STX16: variants seen among roughly 807,000 people sequenced by gnomAD.
STX16 encodes the protein syntaxin 16.
STX16 carries 28 observed loss-of-function variants against 42.7 expected under a neutral mutation model. That is an observed-to-expected ratio of 0.66 (90% CI 0.49 to 0.90). STX16 has a LOEUF of 0.90. Among genes scored for constraint, STX16 ranks in the 40% least tolerant of loss-of-function variants. The pLI, the probability that STX16 is intolerant of heterozygous loss-of-function variation, is 0.00. For missense variants in STX16, 361 were observed against 420.9 expected (o/e 0.86, Z 1.24); for synonymous variants, 156 against 155.2 (o/e 1.00, Z -0.04).
intron 1 of STX16, among the ~76,000 whole-genome samples, chr20:58,658,927 T>C (rs1383186381): frequency 1.3e-5 from 2 of 152,238 alleles, no homozygotes; most frequent in Non-Finnish European, 2.9e-5. Flanking sequence ...GTATGCTTTC[T>C]AGCTAATAAT....
chr20:58,661,597 G>A (rs1230398256), intron 2 of STX16, among the ~76,000 whole-genome samples: 2 of 152,206 alleles, frequency 1.3e-5, no homozygotes, highest in Non-Finnish European at 2.9e-5. Context: ...ATGAAGTGTG[G>A]CTTCCACAAT....
At chr20:58,666,490 A>G (rs1371497679) in intron 2 of STX16, among the ~76,000 whole-genome samples, 4 of 142,572 alleles carry the variant, frequency 2.8e-5, no homozygotes, top group African/African-American at 1.1e-4. Flanking sequence ...GTGCAATGGT[A>G]CGATCATGGC....
rs6128397 is a variant in STX16 at position 58,678,076 on chromosome 20, A to G, written c.*1785A>G. ...GTCACTGCAGGTGTTCTTTCATCCC[A>G]TCTGATTTTAACCCATGGTTGAGAC... On this transcript the variant is annotated 3_prime_UTR_variant, in exon 9 of 9. Coordinates refer to ENST00000371141, the MANE Select transcript of STX16 (RefSeq NM_001001433.3). The G allele has an allele frequency of 0.61, 92,397 of 152,078 alleles. 29,170 individuals are homozygous for G. Among genetic ancestry groups the G allele is most frequent in the Non-Finnish European group, 0.71 (48,376 of 68,016 alleles). 9.4% of individuals were successfully genotyped at this position (152,078 alleles called of 1,614,324 possible). A position where few individuals can be genotyped will look rare whatever the true frequency, so the allele number is the denominator to read the frequency against.
rs546483300 is a variant in STX16 at position 58,670,905 on chromosome 20, T to C, written c.649-249T>C. 2.4e-4 allele frequency among the ~76,000 whole-genome samples: 36 copies of C among 152,314 alleles called. No individual in the cohort carries two copies. In the South Asian group the frequency reaches 7.2e-3, roughly 31 times the overall value. On this transcript the variant is annotated intron_variant, in intron 6 of 8. Transcript: ENST00000371141. ...CGGGGGTTTTGTTTATCTGCCCTTG[T>C]GGAGTTGGCAGACGTGGGCTTCTGT... is the stretch of plus-strand genomic sequence containing the variant.
rs41296205 is a variant in STX16 at position 58,651,657 on chromosome 20, C to A, written c.-350C>A. On this transcript the variant is annotated 5_prime_UTR_variant, in exon 1 of 9. Coordinates refer to ENST00000371141, the MANE Select transcript of STX16 (RefSeq NM_001001433.3). ...GTAGGGGGCTTCAGGGCCTCCCAGT[C>A]TAGAGCCGGATTGGCGAGTTAGACG... is the stretch of plus-strand genomic sequence containing the variant. The A allele has an allele frequency of 0.057, 14,283 of 251,442 alleles. 531 individuals carry two copies. The highest frequency in any genetic ancestry group is 0.072 in the Non-Finnish European group (9,091 of 125,730). 15.6% of individuals were successfully genotyped at this position (251,442 alleles called of 1,614,324 possible).
At chr20:58,670,670 A>T in intron 6 of STX16, 67 bp downstream of exon 6, 2 of 1,312,414 alleles carry the variant, frequency 1.5e-6, no homozygotes, top group Non-Finnish European at 2.2e-6. Flanking sequence ...TTCACCTCCT[A>T]GACCTCGATC....
At chr20:58,669,715 C>G (rs1158238742) in intron 5 of STX16, among the ~76,000 whole-genome samples, 1 of 152,140 alleles carries the variant, frequency 6.6e-6, no homozygotes, top group Non-Finnish European at 1.5e-5. Context: ...TGTTTTGTGT[C>G]AAGCTGCAAG....
chr20:58,659,746 C>A, intron 2 of STX16, 112 bp downstream of exon 2: 1 of 1,137,048 alleles, frequency 8.8e-7, no homozygotes, highest in Non-Finnish European at 1.3e-6. Flanking sequence ...ACATATTTAG[C>A]ATTTGTTTTG....
chr20:58,652,377 C>T (rs527822187), intron 1 of STX16: 6 of 586,116 alleles, frequency 1.0e-5, no homozygotes, highest in South Asian at 3.3e-5. Flanking sequence ...CAGCACCCCC[C>T]CCCCCGCACC....
At chr20:58,674,295 T>C (rs1245813422) in intron 8 of STX16, among the ~76,000 whole-genome samples, 3 of 152,232 alleles carry the variant, frequency 2.0e-5, no homozygotes, top group Non-Finnish European at 4.4e-5. Context: ...TTTTATGATA[T>C]TCTCTTTTAA....
intron 5 of STX16, 34 bp from the exon 6 acceptor site, chr20:58,670,478 A>T (rs1046847969): frequency 3.3e-6 from 5 of 1,525,396 alleles, no homozygotes; most frequent in Non-Finnish European, 4.5e-6. Flanking sequence ...GATGGTTTAC[A>T]TATTCAAGTA....
chr20:58,653,698 T>G (rs916951458), intron 1 of STX16, among the ~76,000 whole-genome samples: 1 of 152,212 alleles, frequency 6.6e-6, no homozygotes, highest in Non-Finnish European at 1.5e-5. Flanking sequence ...AAGAACTGCA[T>G]GTTCCTTAAA....
intron 2 of STX16, among the ~76,000 whole-genome samples, chr20:58,666,062 A>T (rs2083819718): frequency 6.6e-6 from 1 of 152,138 alleles, no homozygotes; most frequent in South Asian, 2.1e-4. Flanking sequence ...TTCCCCCTTC[A>T]TCTGTGGATT....
At chr20:58,655,087 TAAA>T (rs1431364582) in intron 1 of STX16, among the ~76,000 whole-genome samples, 3 of 152,166 alleles carry the variant, frequency 2.0e-5, no homozygotes, top group Non-Finnish European at 4.4e-5. Context: ...TAACTTAATT[TAAA>T]AAATAATAAC....
In STX16 at chr20:58,651,922, A is replaced by T. The variant is rs2083464837; in HGVS notation, c.-85A>T. The T allele has an allele frequency of 2.0e-6, 3 of 1,466,160 alleles. No individual in the cohort carries two copies. The highest frequency in any genetic ancestry group is 2.8e-6 in the Non-Finnish European group (3 of 1,061,106). The allele number at this position is 1,466,160 out of a possible 1,614,324, so 90.8% of individuals were successfully genotyped here. A position where few individuals can be genotyped will look rare whatever the true frequency, so the allele number is the denominator to read the frequency against. On this transcript the variant is annotated 5_prime_UTR_variant, in exon 1 of 9. Transcript: ENST00000371141. ...AGAAGCTTCCGTGAAAGGGTGGGCC[A>T]GCCGGGCCACGAGAAAGAAAGTGAA... is the stretch of plus-strand genomic sequence containing the variant.
At chr20:58,660,767 G>A (rs959496687) in intron 2 of STX16, among the ~76,000 whole-genome samples, 2 of 93,026 alleles carry the variant, frequency 2.1e-5, no homozygotes, top group Non-Finnish European at 4.0e-5. Flanking sequence ...ATTTATGCTT[G>A]TGTGTGCTTA....
At chr20:58,664,931 A>C (rs1250878060) in intron 2 of STX16, among the ~76,000 whole-genome samples, 2 of 152,196 alleles carry the variant, frequency 1.3e-5, no homozygotes, top group Non-Finnish European at 2.9e-5. Flanking sequence ...AAATTCTAGG[A>C]CCCATGAAGA....
intron 4 of STX16, among the ~76,000 whole-genome samples, chr20:58,668,684 C>G (rs6100157): frequency 6.6e-6 from 1 of 150,988 alleles, no homozygotes; most frequent in African/African-American, 2.4e-5. Flanking sequence ...AACAGTTACA[C>G]GATTCTCATT....
In STX16 at chr20:58,676,487, C is replaced by T. The variant is rs1347916824; in HGVS notation, c.*196C>T. On this transcript the variant is annotated 3_prime_UTR_variant, in exon 9 of 9. Transcript: ENST00000371141. ...TCCGGGGAATGGGTTTTTGTTTTTC[C>T]TTCATTGTTGAGAATTTAAGGACCT... is the stretch of plus-strand genomic sequence containing the variant. 5 of 567,654 alleles carry T rather than the reference C, an allele frequency of 8.8e-6. No homozygotes were observed. The East Asian group carries it at 1.5e-4, about 17-fold the overall frequency. 35.2% of individuals were successfully genotyped at this position (567,654 alleles called of 1,614,324 possible).
Sources: gnomAD v4.1 joint callset for allele counts (sites outside exome capture counted in the v4.1 genomes callset) on GRCh38, gnomAD v4.1.1 for gene constraint, MANE v1.5 for transcripts, NCBI Gene and HGNC (gene_info 2026-07-23, HGNC 2026-07-21) for gene names.